The following SUGP2 variants were observed in gnomAD, a reference collection of about 807,000 sequenced individuals.
SUGP2 encodes the protein SURP and G-patch domain containing 2.
In SUGP2, 24 loss-of-function variants were observed where a neutral mutation model predicts 90.5. That is an observed-to-expected ratio of 0.27 (90% CI 0.19 to 0.37). SUGP2 has a LOEUF of 0.37. Among genes scored for constraint, SUGP2 ranks in the 10% least tolerant of loss-of-function variants. The pLI is 1.00. For missense variants in SUGP2, 1,233 were observed against 1,363.3 expected, an observed-to-expected ratio of 0.90 and a Z score of 1.51; for synonymous variants, 473 against 513.4, an observed-to-expected ratio of 0.92 and a Z score of 1.06.
At chr19:19,000,126 G>A (rs1015126518) in intron 8 of SUGP2, among the ~76,000 whole-genome samples, 2 of 152,154 alleles carry the variant, frequency 1.3e-5, no homozygotes, top group East Asian at 1.9e-4. Context: ...GGGCCACAGC[G>A]TTAACATCTG....
At chr19:19,005,627 G>A (rs1011367615) in intron 6 of SUGP2, among the ~76,000 whole-genome samples, 3 of 152,040 alleles carry the variant, frequency 2.0e-5, no homozygotes, top group Non-Finnish European at 2.9e-5. Context: ...CAAAAAAGGG[G>A]TGGGTCTTTC....
chr19:19,027,567 G>C (rs2058983050), intron 2 of SUGP2, among the ~76,000 whole-genome samples: 3 of 152,012 alleles, frequency 2.0e-5, no homozygotes, highest in South Asian at 2.1e-4. Flanking sequence ...AAGCACGTGG[G>C]AACCTGAGGA....
rs1212948142 is a variant in SUGP2, at chr19:19,025,876, A to G, written c.472T>C (p.Trp158Arg). 2 of 1,614,204 alleles carry G rather than the reference A, an allele frequency of 1.2e-6. No individual in the cohort carries two copies. Among genetic ancestry groups the G allele is most frequent in the South Asian group, 2.2e-5 (2 of 91,088 alleles). The change falls in exon 3 of 11, where the codon TGG becomes CGG. Residue 158 changes from tryptophan (W) to arginine (R), a missense_variant. Around this residue, in one of 8 missense-constraint regions of SUGP2, gnomAD observed 418 missense variants for 399.9 expected, o/e 1.05. Coordinates refer to ENST00000452918, the MANE Select transcript of SUGP2 (RefSeq NM_001017392.5). ...GGACCAAAACTATACTCCTGTGACC[A>G]AGAGGACTCTTGAGAAACTGGATGG... ...FGHPVSQESS[W>R]SQEYSFGPSA...
At chr19:19,005,059 G>T (rs1325758540) in intron 6 of SUGP2, among the ~76,000 whole-genome samples, 4 of 152,182 alleles carry the variant, frequency 2.6e-5, no homozygotes, top group Admixed American at 6.5e-5. Flanking sequence ...AGGAGGAGCT[G>T]CACAGTTACT....
intron 2 of SUGP2, among the ~76,000 whole-genome samples, chr19:19,028,355 A>G (rs2059014529): frequency 6.6e-6 from 1 of 152,216 alleles, no homozygotes. Flanking sequence ...AGGCTAGTGA[A>G]GAGTTCTAAG....
chr19:18,998,962 T>C (rs2057723897), intron 8 of SUGP2: 1 of 152,280 alleles, frequency 6.6e-6, no homozygotes, highest in African/African-American at 2.4e-5. Flanking sequence ...CAGGCCCTTC[T>C]GGGAGCTGTG....
At chr19:19,020,431 C>CA (rs34971884) in intron 3 of SUGP2, among the ~76,000 whole-genome samples, 3 of 120,496 alleles carry the variant, frequency 2.5e-5, no homozygotes, top group Non-Finnish European at 1.7e-5. Flanking sequence ...GACCCTGTCT[C>CA]AAAAAAAAAA....
intron 1 of SUGP2, 75 bp from the exon 2 acceptor site, chr19:19,031,157 T>C (rs1241188094): frequency 2.6e-6 from 4 of 1,511,164 alleles, no homozygotes; most frequent in South Asian, 2.6e-5. Flanking sequence ...CCTGTAATCC[T>C]GGCACTTTGG....
rs1457051588 is a variant in SUGP2 at position 19,005,863 on chromosome 19, ACACACACACACACACACACACACACACAC to A, written c.2451-1246_2451-1218del. 3.8e-4 allele frequency among the ~76,000 whole-genome samples: 3 copies of A among 7,980 alleles called. No individual in the cohort carries two copies. The Admixed American group carries it at 4.3e-3, about 11-fold the overall frequency. 5.2% of individuals were successfully genotyped at this position (7,980 alleles called of 152,430 possible). On this transcript the variant is annotated intron_variant, in intron 6 of 10. Coordinates refer to ENST00000452918, the MANE Select transcript of SUGP2 (RefSeq NM_001017392.5). ...CTAACAAACACACACACACACACAC[ACACACACACACACACACACACACACACAC>A]CACACACACACACCACACACACATA... is the stretch of plus-strand genomic sequence containing the variant.
intron 5 of SUGP2, 64 bp downstream of exon 5, chr19:19,009,791 A>G: frequency 6.6e-7 from 1 of 1,522,882 alleles, no homozygotes. Context: ...AATTCTAAAG[A>G]GACCCTGGAG....
intron 3 of SUGP2, among the ~76,000 whole-genome samples, chr19:19,023,232 T>C (rs939999960): frequency 1.3e-5 from 2 of 152,196 alleles, no homozygotes; most frequent in Admixed American, 1.3e-4. Context: ...CATCCCTCAA[T>C]ACAGCTCAAG....
chr19:19,029,173 G>A (rs148904988), intron 2 of SUGP2, among the ~76,000 whole-genome samples: 2,457 of 151,034 alleles, frequency 0.016, 74 homozygotes, highest in African/African-American at 0.057. Flanking sequence ...ACGGAGTCTT[G>A]CTCTGTCACC....
intron 8 of SUGP2, among the ~76,000 whole-genome samples, chr19:18,998,702 G>A (rs1315604654): frequency 1.3e-5 from 2 of 152,154 alleles, no homozygotes; most frequent in East Asian, 1.9e-4. Context: ...ATAATGGCAT[G>A]AGGTGGTCTT....
chr19:18,994,267 T>C (rs1011364748), intron 10 of SUGP2, 99 bp downstream of exon 10: 1 of 1,496,008 alleles, frequency 6.7e-7, no homozygotes. Context: ...GTGGCATTTT[T>C]GGGGGAGCAG....
chr19:19,018,638 G>A (rs1259983744), intron 4 of SUGP2, among the ~76,000 whole-genome samples: 1 of 124,846 alleles, frequency 8.0e-6, no homozygotes, highest in Non-Finnish European at 1.6e-5. Context: ...GGTGAGCCGA[G>A]ATAGCGCCAC....
rs372185560 is a variant in SUGP2, at chr19:19,010,200, G to A, written c.1993C>T (p.Arg665Trp). 4.3e-6 allele frequency: 7 copies of A among 1,613,992 alleles called. No individual in the cohort carries two copies. The highest frequency in any genetic ancestry group is 1.7e-5 in the Admixed American group (1 of 60,014). The change falls in exon 5 of 11, where the codon CGG becomes TGG. Residue 665 changes from arginine (R) to tryptophan (W), a missense_variant. By Grantham distance (101) the Arg-to-Trp change is moderately radical. Coordinates refer to ENST00000452918, the MANE Select transcript of SUGP2 (RefSeq NM_001017392.5). The stretch of plus-strand genomic sequence containing the variant: ...TTCTTCTTGAGGTTGCGGACAGCCC[G>A]GGAGTACAGCATGGCCCTCACTGCA... ...DCAVRAMLYS[R>W]AVRNLKKKLL...
intron 4 of SUGP2, among the ~76,000 whole-genome samples, chr19:19,016,324 T>C (rs921113252): frequency 6.6e-6 from 1 of 152,178 alleles, no homozygotes; most frequent in Non-Finnish European, 1.5e-5. Flanking sequence ...TTTCTGATTT[T>C]GTACCCTGCC....
intron 2 of SUGP2, among the ~76,000 whole-genome samples, 190 bp downstream of exon 2, chr19:19,030,761 G>T (rs184495188): frequency 6.6e-6 from 1 of 152,104 alleles, no homozygotes; most frequent in Admixed American, 6.6e-5. Context: ...ACTTCAGCCT[G>T]GGGGAGAGAG....
At chr19:19,009,573 G>C (rs138493026) in intron 5 of SUGP2, among the ~76,000 whole-genome samples, 1 of 152,136 alleles carries the variant, frequency 6.6e-6, no homozygotes. Context: ...CACCGCCCAC[G>C]GCCCCAGCAG....
Sources: allele counts gnomAD v4.1 joint callset (sites outside exome capture counted in the v4.1 genomes callset), GRCh38; gene constraint gnomAD v4.1.1; regional missense constraint gnomAD v4.1.1; transcripts MANE v1.5; gene names NCBI Gene and HGNC (gene_info 2026-07-23, HGNC 2026-07-21).